Variants in CHCHD6 observed in about 807,000 individuals in gnomAD.
CHCHD6 encodes coiled-coil-helix-coiled-coil-helix domain containing 6, also known as MICOS complex subunit MIC25.
In CHCHD6, 28 loss-of-function variants were observed where a neutral mutation model predicts 32.3. That is an observed-to-expected ratio of 0.87 (90% CI 0.64 to 1.19). The LOEUF (loss-of-function observed/expected upper bound fraction) is 1.19, where lower values mean the gene tolerates loss of function less well. Ranked by LOEUF, CHCHD6 falls within the 50% of genes most tolerant of loss-of-function variation. The probability of loss-of-function intolerance (pLI) is 0.00; values close to 1 mark genes in which losing one functional copy is unlikely to be tolerated. For synonymous variants in CHCHD6, 122 were observed against 117.5 expected (o/e 1.04, Z -0.25); for missense variants, 333 against 307.0 (o/e 1.08, Z -0.63).
intron 4 of CHCHD6, among the ~76,000 whole-genome samples, chr3:126,764,019 A>G (rs936142879): frequency 1.3e-5 from 2 of 151,996 alleles, no homozygotes; most frequent in Admixed American, 6.6e-5. Context: ...CTCTGCTTCT[A>G]TATAGCTCTG....
chr3:126,780,985 C>T (rs1937910726), intron 4 of CHCHD6, among the ~76,000 whole-genome samples: 1 of 152,150 alleles, frequency 6.6e-6, no homozygotes, highest in Admixed American at 6.6e-5. Context: ...GACACTTCTC[C>T]AGCCACTTTT....
chr3:126,886,738 C>T (rs572389314), intron 5 of CHCHD6, among the ~76,000 whole-genome samples: 11 of 152,296 alleles, frequency 7.2e-5, no homozygotes, highest in Non-Finnish European at 1.6e-4. Flanking sequence ...GTCCTGGTCT[C>T]CTACCTCCTT....
In CHCHD6 at chr3:126,773,768, G is replaced by A. The variant is rs150215889; in HGVS notation, c.411+40546G>A. Among the ~76,000 whole-genome samples the A allele has an allele frequency of 9.1e-3, 1,384 of 152,206 alleles. 19 individuals carry two copies. The highest frequency in any genetic ancestry group is 0.031 in the African/African-American group (1,297 of 41,540). On this transcript the variant is annotated intron_variant, in intron 4 of 7. Transcript: ENST00000290913. ...TTACAGGCACACACTGTCATGCCCA[G>A]CTAATTTTTTGTATTTTAGTAGAGA...
intron 4 of CHCHD6, among the ~76,000 whole-genome samples, chr3:126,787,302 A>T (rs1938265782): frequency 6.6e-6 from 1 of 152,212 alleles, no homozygotes; most frequent in Non-Finnish European, 1.5e-5. Flanking sequence ...TGACTTGGCA[A>T]TGCGGGCTCT....
intron 6 of CHCHD6, among the ~76,000 whole-genome samples, chr3:126,933,900 C>G (rs145996077): frequency 5.3e-5 from 8 of 152,292 alleles, no homozygotes; most frequent in Non-Finnish European, 7.3e-5. Context: ...CATCAAAATA[C>G]CCCCTTCTCC....
At chr3:126,848,244 A>G (rs547432931) in intron 4 of CHCHD6, among the ~76,000 whole-genome samples, 4 of 152,228 alleles carry the variant, frequency 2.6e-5, no homozygotes, top group African/African-American at 4.8e-5. Flanking sequence ...TTTGTCTTCT[A>G]TTACTACATT....
In CHCHD6 at chr3:126,864,893, T is replaced by C. The variant is rs1163467931; in HGVS notation, c.495+12163T>C. 5.7e-3 allele frequency among the ~76,000 whole-genome samples: 385 copies of C among 67,722 alleles called. No homozygotes were observed. In the Middle Eastern group the frequency reaches 0.06, roughly 11 times the overall value. 44.4% of individuals were successfully genotyped at this position (67,722 alleles called of 152,430 possible). A position where few individuals can be genotyped will look rare whatever the true frequency, so the allele number is the denominator to read the frequency against. Reference sequence around the variant, plus strand: ...ATCATCTCCTCCTCCTCCTCCACCATCACCTCCTCCTCCACCATCACCTTC... The same window carrying C: ...ATCATCTCCTCCTCCTCCTCCACCACCACCTCCTCCTCCACCATCACCTTC... On this transcript the variant is annotated intron_variant, in intron 5 of 7. Coordinates refer to ENST00000290913, the MANE Select transcript of CHCHD6 (RefSeq NM_032343.3).
At chr3:126,722,853 T>C (rs962327518) in intron 1 of CHCHD6, among the ~76,000 whole-genome samples, 2 of 152,200 alleles carry the variant, frequency 1.3e-5, no homozygotes, top group East Asian at 3.9e-4. Flanking sequence ...ATGCTTTTGG[T>C]GTCATCTCTA....
intron 4 of CHCHD6, among the ~76,000 whole-genome samples, chr3:126,765,433 G>C (rs1218802873): frequency 2.0e-5 from 3 of 152,208 alleles, no homozygotes; most frequent in Non-Finnish European, 4.4e-5. Flanking sequence ...GTGCTGACAC[G>C]CAAGGAAGGA....
chr3:126,784,657 G>C (rs974268301), intron 4 of CHCHD6, among the ~76,000 whole-genome samples: 3 of 152,106 alleles, frequency 2.0e-5, no homozygotes, highest in Non-Finnish European at 2.9e-5. Context: ...ACCTTTCCCT[G>C]TTCAGGCATC....
intron 5 of CHCHD6, among the ~76,000 whole-genome samples, chr3:126,902,002 C>A (rs367765831): frequency 1.3e-5 from 2 of 152,232 alleles, no homozygotes; most frequent in Non-Finnish European, 2.9e-5. Flanking sequence ...GAAACAGGAA[C>A]GCGCAAGTTA....
rs551085498 is a variant in CHCHD6, at chr3:126,807,849, A to G, written c.412-44798A>G. Among the ~76,000 whole-genome samples, 4 of 152,316 alleles carry G rather than the reference A, an allele frequency of 2.6e-5. No homozygotes were observed. The South Asian group carries it at 8.3e-4, about 32-fold the overall frequency. ...AGGGAGTGGCAAACTTTTTCATAGTAGTCTTACGGGCCACATGGTCTCTAT... is the reference window on the plus strand; with the variant it reads ...AGGGAGTGGCAAACTTTTTCATAGTGGTCTTACGGGCCACATGGTCTCTAT... On this transcript the variant is annotated intron_variant, in intron 4 of 7. Transcript: ENST00000290913.
chr3:126,738,357 A>T, intron 4 of CHCHD6, among the ~76,000 whole-genome samples: 1 of 151,916 alleles, frequency 6.6e-6, no homozygotes, highest in Non-Finnish European at 1.5e-5. Flanking sequence ...TGGAACCAAT[A>T]CCCCGTGGCC....
intron 5 of CHCHD6, among the ~76,000 whole-genome samples, chr3:126,912,392 C>T (rs187056117): frequency 1.9e-4 from 29 of 152,186 alleles, no homozygotes; most frequent in African/African-American, 6.0e-4. Context: ...CGTAATCTCT[C>T]GTTTGAATGT....
intron 4 of CHCHD6, among the ~76,000 whole-genome samples, chr3:126,834,087 A>G (rs1236458542): frequency 6.6e-6 from 1 of 150,540 alleles, no homozygotes; most frequent in Non-Finnish European, 1.5e-5. Context: ...AAGAATTACC[A>G]ATAACGTTAC....
intron 1 of CHCHD6, among the ~76,000 whole-genome samples, chr3:126,721,707 A>AC (rs1935303107): frequency 7.8e-5 from 4 of 51,074 alleles, no homozygotes; most frequent in Admixed American, 2.4e-4. Flanking sequence ...CATCACCCCC[A>AC]CCCCCCACCC....
rs1488608605 is a variant in CHCHD6 at position 126,765,325 on chromosome 3, G to A, written c.411+32103G>A. On this transcript the variant is annotated intron_variant, in intron 4 of 7. Transcript: ENST00000290913. ...GCTGTCGCCTCTCTTGGGTCCAGGTGAGAGGAGGGTTCCAGGAAAGGCACC... is the reference window on the plus strand; with the variant it reads ...GCTGTCGCCTCTCTTGGGTCCAGGTAAGAGGAGGGTTCCAGGAAAGGCACC... Among the ~76,000 whole-genome samples, 40 of 145,880 alleles carry A rather than the reference G, an allele frequency of 2.7e-4. 1 individual carries two copies. The Admixed American group carries it at 2.8e-3, about 10-fold the overall frequency.
chr3:126,742,739 G>T (rs1221483313), intron 4 of CHCHD6, among the ~76,000 whole-genome samples: 1 of 152,176 alleles, frequency 6.6e-6, no homozygotes, highest in East Asian at 1.9e-4. Flanking sequence ...GAGAGTCCCA[G>T]CTAGCAAGAA....
chr3:126,864,703 T>A (rs1942178393), intron 5 of CHCHD6, among the ~76,000 whole-genome samples: 3 of 134,662 alleles, frequency 2.2e-5, no homozygotes, highest in Non-Finnish European at 4.8e-5. Flanking sequence ...CACCATCATC[T>A]CCTCTTCCTC....
Sources: allele counts gnomAD v4.1 joint callset (sites outside exome capture counted in the v4.1 genomes callset), GRCh38; gene constraint gnomAD v4.1.1; transcripts MANE v1.5; gene names NCBI Gene and HGNC (gene_info 2026-07-23, HGNC 2026-07-21).